ADAMTS17: variants seen among roughly 807,000 people sequenced by gnomAD.
The protein encoded by ADAMTS17 is A disintegrin and metalloproteinase with thrombospondin motifs 17.
Under a neutral mutation model 141.5 loss-of-function variants are expected in ADAMTS17, and 113 were observed. The observed-to-expected ratio is 0.80, with a 90% CI of 0.69 to 0.93. The LOEUF is 0.93. Ranked by LOEUF, ADAMTS17 falls within the 40% of genes least tolerant of loss-of-function variation. ADAMTS17 has a pLI of 0.00. For synonymous variants in ADAMTS17, 768 were observed against 630.6 expected (o/e 1.22, Z -3.27); for missense variants, 1,659 against 1,517.9 (o/e 1.09, Z -1.54).
In ADAMTS17 at chr15:100,135,429, G is replaced by A. The variant is rs533861205; in HGVS notation, c.1474-2114C>T. The stretch of plus-strand genomic sequence containing the variant: ...CTTCCGAGTAGCTGGGACCACAGGC[G>A]CCCGCCACCACACCCGGCTAATTTT... On this transcript the variant is annotated intron_variant, in intron 10 of 21. Coordinates refer to ENST00000268070, the MANE Select transcript of ADAMTS17 (RefSeq NM_139057.4). Among the ~76,000 whole-genome samples the A allele has an allele frequency of 1.1e-4, 16 of 151,980 alleles. No individual in the cohort carries two copies. In the East Asian group the frequency reaches 1.2e-3, roughly 11 times the overall value.
chr15:100,099,999 T>C (rs8027190), intron 14 of ADAMTS17, among the ~76,000 whole-genome samples: 96,294 of 152,098 alleles, frequency 0.63, 30,742 homozygotes, highest in South Asian at 0.75. Context: ...TCACACCTAG[T>C]GGACGTGTCT....
At chr15:100,112,602 C>T (rs564198474) in intron 13 of ADAMTS17, among the ~76,000 whole-genome samples, 2 of 152,192 alleles carry the variant, frequency 1.3e-5, no homozygotes, top group African/African-American at 4.8e-5. Flanking sequence ...CAGCTTTGCA[C>T]CCAGCATCAA....
chr15:100,186,590 C>A (rs926421126), intron 8 of ADAMTS17, among the ~76,000 whole-genome samples: 1 of 152,186 alleles, frequency 6.6e-6, no homozygotes, highest in East Asian at 1.9e-4. Context: ...ATTCCAGCGC[C>A]CGGGGCAGGC....
intron 18 of ADAMTS17, among the ~76,000 whole-genome samples, chr15:100,027,575 ATTGT>A (rs1262352920): frequency 1.3e-4 from 20 of 152,226 alleles, no homozygotes; most frequent in Admixed American, 1.2e-3. Flanking sequence ...TTGTCTATAC[ATTGT>A]TTGTAGCTGC....
chr15:100,105,289 C>T (rs2036346150), intron 14 of ADAMTS17, among the ~76,000 whole-genome samples: 1 of 152,168 alleles, frequency 6.6e-6, no homozygotes, highest in Non-Finnish European at 1.5e-5. Flanking sequence ...AGCAAAAGAC[C>T]ACCATCGAGC....
At chr15:100,228,841 G>C (rs1303389586) in intron 7 of ADAMTS17, among the ~76,000 whole-genome samples, 2 of 152,208 alleles carry the variant, frequency 1.3e-5, no homozygotes, top group Non-Finnish European at 2.9e-5. Context: ...AGCTCTCCCT[G>C]CCTACCTGTG....
At chr15:100,224,985 T>C (rs1376528118) in intron 7 of ADAMTS17, among the ~76,000 whole-genome samples, 1 of 152,216 alleles carries the variant, frequency 6.6e-6, no homozygotes, top group Non-Finnish European at 1.5e-5. Flanking sequence ...CCTGGATGTG[T>C]CATGGATCCA....
At chr15:100,011,998 C>T (rs575300490) in intron 18 of ADAMTS17, among the ~76,000 whole-genome samples, 1 of 152,336 alleles carries the variant, frequency 6.6e-6, no homozygotes, top group South Asian at 2.1e-4. Flanking sequence ...TACTAGTTTA[C>T]AGTCCCATCA....
At chr15:100,136,160 T>C (rs972963405) in intron 10 of ADAMTS17, among the ~76,000 whole-genome samples, 5 of 152,222 alleles carry the variant, frequency 3.3e-5, no homozygotes, top group Non-Finnish European at 7.3e-5. Context: ...TAGTTCCATG[T>C]TGGAAACAAC....
intron 8 of ADAMTS17, among the ~76,000 whole-genome samples, chr15:100,198,923 T>C (rs983504433): frequency 3.9e-5 from 6 of 152,318 alleles, no homozygotes; most frequent in South Asian, 4.1e-4. Flanking sequence ...AGTTGGACTT[T>C]AGAATTGGCA....
intron 3 of ADAMTS17, among the ~76,000 whole-genome samples, chr15:100,322,190 G>A (rs368077629): frequency 5.0e-4 from 76 of 152,294 alleles, no homozygotes; most frequent in African/African-American, 1.8e-3. Flanking sequence ...TGCAGAAGGG[G>A]TAACGCTCCA....
At chr15:100,265,943 C>T (rs78000332) in intron 4 of ADAMTS17, among the ~76,000 whole-genome samples, 118 of 152,302 alleles carry the variant, frequency 7.7e-4, no homozygotes, top group Middle Eastern at 3.4e-3. Flanking sequence ...TCCTTCCCCA[C>T]CCTGCTCCAC....
intron 9 of ADAMTS17, among the ~76,000 whole-genome samples, chr15:100,154,266 T>TC (rs1443754707): frequency 1.3e-5 from 2 of 152,150 alleles, no homozygotes; most frequent in Non-Finnish European, 2.9e-5. Context: ...TTACAGCATT[T>TC]CCTAAGATCT....
intron 3 of ADAMTS17, among the ~76,000 whole-genome samples, chr15:100,296,578 GGGGTGT>G (rs1241330530): frequency 0.016 from 2,008 of 127,660 alleles, 51 homozygotes; most frequent in African/African-American, 0.052. Flanking sequence ...GGGGTGAGGG[GGGGTGT>G]GTGTGTGTGT....
intron 15 of ADAMTS17, among the ~76,000 whole-genome samples, chr15:100,087,860 T>C (rs1254576420): frequency 6.6e-6 from 1 of 152,230 alleles, no homozygotes; most frequent in Non-Finnish European, 1.5e-5. Context: ...GAGCTATCTA[T>C]GACAAACCCA....
At chr15:100,183,177 C>A (rs973110767) in intron 8 of ADAMTS17, among the ~76,000 whole-genome samples, 1 of 152,016 alleles carries the variant, frequency 6.6e-6, no homozygotes, top group Non-Finnish European at 1.5e-5. Context: ...TTAGTAAAGA[C>A]GGGGTTCTTC....
At chr15:100,265,781 T>C (rs1452301815) in intron 4 of ADAMTS17, among the ~76,000 whole-genome samples, 3 of 152,234 alleles carry the variant, frequency 2.0e-5, no homozygotes, top group Admixed American at 6.5e-5. Flanking sequence ...GAGAAAGCTA[T>C]GCTCTGTAGC....
At chr15:100,240,897 C>G (rs557713791) in intron 7 of ADAMTS17, among the ~76,000 whole-genome samples, 148 of 152,312 alleles carry the variant, frequency 9.7e-4, no homozygotes, top group African/African-American at 3.5e-3. Flanking sequence ...AGGATCTCAG[C>G]TCACTGCAAC....
intron 12 of ADAMTS17, among the ~76,000 whole-genome samples, chr15:100,129,938 T>G (rs1187343215): frequency 6.6e-6 from 1 of 152,184 alleles, no homozygotes; most frequent in African/African-American, 2.4e-5. Context: ...ACCCAGCCCT[T>G]TCTTCACGAG....
Sources: allele counts gnomAD v4.1 joint callset (sites outside exome capture counted in the v4.1 genomes callset), GRCh38; gene constraint gnomAD v4.1.1; transcripts MANE v1.5; gene names NCBI Gene and HGNC (gene_info 2026-07-23, HGNC 2026-07-21).